Variants in GBF1 observed in about 807,000 individuals in gnomAD.
GBF1 encodes golgi brefeldin A resistant guanine nucleotide exchange factor 1.
GBF1 carries 114 observed loss-of-function variants against 210.5 expected under a neutral mutation model. The ratio of observed to expected loss-of-function variants is 0.54; its 90% CI spans 0.47 to 0.63. The LOEUF is 0.63. GBF1 is among the 30% of genes least tolerant of loss of function. The pLI is 0.00. For missense variants in GBF1, 1,851 were observed against 2,357.7 expected (o/e 0.79, Z 4.45); for synonymous variants, 850 against 889.2 (o/e 0.96, Z 0.78).
chr10:102,233,559 C>G, the GBF1 span, among the ~76,000 whole-genome samples: 1 of 152,142 alleles, frequency 6.6e-6, no homozygotes, highest in Non-Finnish European at 1.5e-5. Flanking sequence ...CTGCCTCGGC[C>G]TCCCAAAGTG....
intron 3 of GBF1, among the ~76,000 whole-genome samples, chr10:102,281,983 G>C (rs577310894): frequency 5.5e-4 from 82 of 147,788 alleles, no homozygotes; most frequent in African/African-American, 1.7e-3. Context: ...CTGGAGTGCA[G>C]TGGCGCGATC....
chr10:102,354,568 T>C (rs980422702), intron 8 of GBF1, among the ~76,000 whole-genome samples: 5 of 152,240 alleles, frequency 3.3e-5, no homozygotes, highest in South Asian at 2.1e-4. Flanking sequence ...GAGCACAACT[T>C]ACTCCTCCCT....
At chr10:102,334,811 T>C (rs568056757) in intron 3 of GBF1, among the ~76,000 whole-genome samples, 103 of 150,660 alleles carry the variant, frequency 6.8e-4, no homozygotes, top group African/African-American at 2.3e-3. Context: ...ATTGCACCAT[T>C]GCACTCCAGG....
At chr10:102,313,438 G>A (rs2078658054) in intron 3 of GBF1, among the ~76,000 whole-genome samples, 1 of 152,206 alleles carries the variant, frequency 6.6e-6, no homozygotes, top group African/African-American at 2.4e-5. Flanking sequence ...GAGAGGGCTA[G>A]CTGGCCCTCC....
In GBF1 at chr10:102,368,770, C is replaced by T. The variant is rs748802874; in HGVS notation, c.2911C>T (p.Leu971Phe). The part of the protein sequence containing the change: ...KCAMISAHYG[L>F]SDVFDNLIIS... ...CGCCATGATCTCCGCCCACTATGGC[C>T]TCAGCGATGTGTTTGACAATCTCAT... The change falls in exon 23 of 40, where the codon CTC becomes TTC. Residue 971 changes from leucine (L) to phenylalanine (F), a missense_variant. Physicochemically the swap from Leu to Phe is conservative, Grantham distance 22. Around this residue, in one of 3 missense-constraint regions of GBF1, gnomAD observed 967 missense variants for 1,247.7 expected, o/e 0.78. Transcript: ENST00000369983. 1.1e-5 allele frequency: 17 copies of T among 1,613,496 alleles called. No individual in the cohort carries two copies. In the East Asian group the frequency reaches 2.9e-4, roughly 27 times the overall value.
At chr10:102,237,497 G>T in the GBF1 span, among the ~76,000 whole-genome samples, 2 of 152,058 alleles carry the variant, frequency 1.3e-5, no homozygotes, top group African/African-American at 4.8e-5. Context: ...AAGGGGCAGT[G>T]GTTCAGATTT....
At chr10:102,305,000 AG>A (rs2077718479) in intron 3 of GBF1, among the ~76,000 whole-genome samples, 3 of 151,090 alleles carry the variant, frequency 2.0e-5, no homozygotes, top group Non-Finnish European at 4.4e-5. Flanking sequence ...AAAGAAAGAA[AG>A]AAAGAAAGAA....
At chr10:102,301,643 G>T (rs889188109) in intron 3 of GBF1, among the ~76,000 whole-genome samples, 1 of 152,108 alleles carries the variant, frequency 6.6e-6, no homozygotes, top group Non-Finnish European at 1.5e-5. Context: ...CGGCCGGGCA[G>T]AGGCGCTCCT....
intron 3 of GBF1, among the ~76,000 whole-genome samples, chr10:102,330,287 T>C (rs1353476673): frequency 1.3e-5 from 2 of 152,194 alleles, no homozygotes; most frequent in Non-Finnish European, 2.9e-5. Flanking sequence ...CTTAACCTCT[T>C]AGAGCCTCGG....
At chr10:102,294,814 G>A (rs533937013) in intron 3 of GBF1, among the ~76,000 whole-genome samples, 1 of 152,170 alleles carries the variant, frequency 6.6e-6, no homozygotes, top group Non-Finnish European at 1.5e-5. Flanking sequence ...TAGCCTAGAA[G>A]CAATAGGCTG....
intron 3 of GBF1, among the ~76,000 whole-genome samples, chr10:102,260,476 C>CTTTTTTT (rs60452124): frequency 2.9e-4 from 21 of 72,404 alleles, no homozygotes; most frequent in East Asian, 4.4e-4. Flanking sequence ...TTCCTTTCTT[C>CTTTTTTT]TTTTTTTTTT....
chr10:102,371,891 C>A (rs1358855845), intron 29 of GBF1, among the ~76,000 whole-genome samples: 14 of 149,444 alleles, frequency 9.4e-5, no homozygotes, highest in Admixed American at 7.3e-4. Context: ...CGCGCCACTG[C>A]ACTCCAGCTG....
upstream of GBF1, among the ~76,000 whole-genome samples, chr10:102,244,684 G>A (rs1428575279): frequency 6.6e-6 from 1 of 152,132 alleles, no homozygotes; most frequent in South Asian, 2.1e-4. Flanking sequence ...AAGGCAGACC[G>A]GGAGTCAAAG....
At chr10:102,284,910 C>T (rs777381078) in intron 3 of GBF1, among the ~76,000 whole-genome samples, 2 of 152,072 alleles carry the variant, frequency 1.3e-5, no homozygotes, top group Non-Finnish European at 2.9e-5. Context: ...TTTTCCGCAT[C>T]CTTACCAACA....
At chr10:102,337,284 G>A (rs1349540513) in intron 3 of GBF1, among the ~76,000 whole-genome samples, 8 of 37,578 alleles carry the variant, frequency 2.1e-4, no homozygotes, top group Non-Finnish European at 5.1e-4. Context: ...GGGCTGAGGT[G>A]GAAGAATGGT....
intron 8 of GBF1, among the ~76,000 whole-genome samples, chr10:102,357,452 A>T (rs1446398667): frequency 6.7e-6 from 1 of 150,372 alleles, no homozygotes; most frequent in Non-Finnish European, 1.5e-5. Flanking sequence ...GTGCCACTGC[A>T]CTCCAGCCTG....
chr10:102,284,399 A>G (rs1435320989), intron 3 of GBF1, among the ~76,000 whole-genome samples: 1 of 152,152 alleles, frequency 6.6e-6, no homozygotes, highest in Non-Finnish European at 1.5e-5. Context: ...TCCTGTACCC[A>G]TTAAGCAGTT....
rs2135407918 is a variant in GBF1, at chr10:102,382,884, CTT to C, written c.*549_*550del. The C allele has an allele frequency of 6.5e-6, 1 of 153,004 alleles. No homozygotes were observed. The highest frequency in any genetic ancestry group is 1.9e-4 in the East Asian group (1 of 5,188). The allele number at this position is 153,004 out of a possible 1,614,324, so 9.5% of individuals were successfully genotyped here. A position where few individuals can be genotyped will look rare whatever the true frequency, so the allele number is the denominator to read the frequency against. ...GGACTTTTTATGATATAATAAATGT[CTT>C]AGTACCAGCATCATTGTCTCTCCCT... On this transcript the variant is annotated 3_prime_UTR_variant, in exon 40 of 40. Transcript: ENST00000369983.
Position 102,363,486 on chromosome 10 carries a change from T to C in GBF1, c.2017+90T>C. 1.6e-6 allele frequency: 2 copies of C among 1,270,408 alleles called. No homozygotes were observed. Among genetic ancestry groups the C allele is most frequent in the Non-Finnish European group, 2.2e-6 (2 of 901,914 alleles). The allele number at this position is 1,270,408 out of a possible 1,614,324, so 78.7% of individuals were successfully genotyped here. A position where few individuals can be genotyped will look rare whatever the true frequency, so the allele number is the denominator to read the frequency against. On this transcript the variant is annotated intron_variant, in intron 16 of 39. Transcript: ENST00000369983. The surrounding 1 kb of genome is among the most constrained non-coding windows in gnomAD (Gnocchi z 4.2). ...GGGAGCAGACACCTAGGATAGTAAC[T>C]AAGCAAGCCTTGGTAGCCCGCCTCG... is the stretch of plus-strand genomic sequence containing the variant.
Sources: allele counts gnomAD v4.1 joint callset (sites outside exome capture counted in the v4.1 genomes callset), GRCh38; gene constraint gnomAD v4.1.1; regional missense constraint gnomAD v4.1.1; non-coding constraint Gnocchi (gnomAD v3.1); transcripts MANE v1.5; gene names NCBI Gene and HGNC (gene_info 2026-07-23, HGNC 2026-07-21).